Variants in XKR4 observed in about 807,000 individuals in gnomAD.
XKR4 encodes the protein XK related 4.
XKR4 carries 12 observed loss-of-function variants against 53.9 expected under a neutral mutation model. The ratio of observed to expected loss-of-function variants is 0.22; its 90% CI spans 0.14 to 0.36. The LOEUF (loss-of-function observed/expected upper bound fraction) is 0.36, where lower values mean the gene tolerates loss of function less well. Among genes scored for constraint, XKR4 ranks in the 10% least tolerant of loss-of-function variants. XKR4 has a pLI of 1.00. For synonymous variants in XKR4, 354 were observed against 362.4 expected, an observed-to-expected ratio of 0.98 and a Z score of 0.26; for missense variants, 799 against 859.5, an observed-to-expected ratio of 0.93 and a Z score of 0.88.
chr8:55,460,022 A>C (rs1448448811), intron 2 of XKR4, among the ~76,000 whole-genome samples: 6 of 152,004 alleles, frequency 3.9e-5, no homozygotes, highest in Non-Finnish European at 8.8e-5. Context: ...AAAAAAAAAA[A>C]AACCAAATGT....
intron 2 of XKR4, among the ~76,000 whole-genome samples, chr8:55,479,917 C>T (rs1488972953): frequency 6.6e-6 from 1 of 151,942 alleles, no homozygotes; most frequent in African/African-American, 2.4e-5. Context: ...AATAGCTTAC[C>T]AAGCAAAGAA....
At chr8:55,437,964 A>G (rs1030565861) in intron 2 of XKR4, among the ~76,000 whole-genome samples, 6 of 113,186 alleles carry the variant, frequency 5.3e-5, no homozygotes, top group South Asian at 5.4e-4. Context: ...CAAAAAAAAA[A>G]AAGAAGAAGA....
rs568401818 is a variant in XKR4 at position 55,479,121 on chromosome 8, C to T, written c.1007-44160C>T. On this transcript the variant is annotated intron_variant, in intron 2 of 2. Transcript: ENST00000327381. ...CATTCTTTTCAGCACCACACCACAC[C>T]TATTCCAAAAGTGATCACATGCTTG... 2.0e-4 allele frequency among the ~76,000 whole-genome samples: 30 copies of T among 152,198 alleles called. 1 individual carries two copies. The South Asian group carries it at 4.8e-3, about 24-fold the overall frequency.
At chr8:55,307,986 A>G (rs4738068) in intron 1 of XKR4, among the ~76,000 whole-genome samples, 17,016 of 152,100 alleles carry the variant, frequency 0.11, 1,815 homozygotes, top group African/African-American at 0.28. Context: ...CAGGCATGGT[A>G]TCTCATGCCT....
At chr8:55,392,081 A>G (rs1400167976) in intron 2 of XKR4, among the ~76,000 whole-genome samples, 2 of 152,236 alleles carry the variant, frequency 1.3e-5, no homozygotes, top group African/African-American at 2.4e-5. Context: ...AAAGCTCATT[A>G]GTATAGTTCA....
At chr8:55,210,248 C>T (rs1016611725) in intron 1 of XKR4, among the ~76,000 whole-genome samples, 1 of 152,016 alleles carries the variant, frequency 6.6e-6, no homozygotes, top group Non-Finnish European at 1.5e-5. Context: ...CCACGCCTGG[C>T]TAATTTTGTA....
At chr8:55,106,255 G>A (rs1451255381) in intron 1 of XKR4, among the ~76,000 whole-genome samples, 1 of 152,108 alleles carries the variant, frequency 6.6e-6, no homozygotes, top group Non-Finnish European at 1.5e-5. Context: ...TGCTTGTTTA[G>A]AAATAGCCAT....
chr8:55,235,736 TA>T (rs1459904779), intron 1 of XKR4, among the ~76,000 whole-genome samples: 7 of 151,968 alleles, frequency 4.6e-5, no homozygotes, highest in Admixed American at 1.3e-4. Flanking sequence ...GCTGCAGCAA[TA>T]GAAAGGAAAA....
rs1563372976 is a variant in XKR4 at position 55,523,691 on chromosome 8, G to T, written c.1417G>T (p.Ala473Ser). The T allele has an allele frequency of 6.2e-7, 1 of 1,614,162 alleles. No homozygotes were observed. Among genetic ancestry groups the T allele is most frequent in the African/African-American group, 1.3e-5 (1 of 75,030 alleles). The change falls in exon 3 of 3, where the codon GCC becomes TCC. Residue 473 changes from alanine (A) to serine (S), a missense_variant. By Grantham distance (99) the Ala-to-Ser change is moderately conservative. Transcript: ENST00000327381. ...VILLENTALSALWYLYKAPQI... is the reference protein window; with the variant it reads ...VILLENTALSSLWYLYKAPQI... ...CCTTTTGGAAAATACAGCCTTGAGT[G>T]CCCTCTGGTACCTCTACAAGGCTCC...
chr8:55,362,753 A>G (rs954333863), intron 2 of XKR4, among the ~76,000 whole-genome samples: 11 of 152,154 alleles, frequency 7.2e-5, no homozygotes, highest in African/African-American at 2.7e-4. Context: ...GGTTGCACAG[A>G]CCCAGCCTCC....
At chr8:55,271,807 G>C (rs1308745860) in intron 1 of XKR4, among the ~76,000 whole-genome samples, 1 of 152,194 alleles carries the variant, frequency 6.6e-6, no homozygotes, top group Non-Finnish European at 1.5e-5. Flanking sequence ...ATTTGGGGCT[G>C]ATTGTTTCAG....
intron 1 of XKR4, among the ~76,000 whole-genome samples, chr8:55,128,969 A>G (rs1000779743): frequency 6.6e-6 from 1 of 152,192 alleles, no homozygotes; most frequent in Non-Finnish European, 1.5e-5. Context: ...TCTAACCAAC[A>G]ATGGTGATAG....
chr8:55,410,174 C>T (rs948235468), intron 2 of XKR4, among the ~76,000 whole-genome samples: 5 of 152,104 alleles, frequency 3.3e-5, no homozygotes, highest in African/African-American at 1.2e-4. Context: ...CTTGACTCAC[C>T]CCCCTTCTGG....
At chr8:55,350,392 G>A (rs1803708710) in intron 1 of XKR4, among the ~76,000 whole-genome samples, 1 of 152,074 alleles carries the variant, frequency 6.6e-6, no homozygotes, top group Non-Finnish European at 1.5e-5. Flanking sequence ...TTGTAAGCTG[G>A]ACCCATCAAG....
At chr8:55,366,506 C>T (rs929000274) in intron 2 of XKR4, among the ~76,000 whole-genome samples, 3 of 152,172 alleles carry the variant, frequency 2.0e-5, no homozygotes, top group Admixed American at 6.5e-5. Context: ...ACAGACCTCA[C>T]GTGGCCACTC....
chr8:55,394,707 C>A (rs932200824), intron 2 of XKR4, among the ~76,000 whole-genome samples: 1 of 152,272 alleles, frequency 6.6e-6, no homozygotes, highest in South Asian at 2.1e-4. Flanking sequence ...TTACTCAATT[C>A]TCTTCAAATC....
intron 1 of XKR4, among the ~76,000 whole-genome samples, chr8:55,252,029 C>G (rs192785879): frequency 6.6e-6 from 1 of 152,266 alleles, no homozygotes; most frequent in African/African-American, 2.4e-5. Flanking sequence ...ACAGAAGTAT[C>G]AGTTTCTTCT....
Position 55,537,290 on chromosome 8 carries a change from A to G in XKR4, c.*13063A>G, listed in dbSNP as rs1346059095. ...TCACCTCCCACAAGGAAAGTCTGAG[A>G]TGTTCATCCTGACATTTGCGTTCCT... On this transcript the variant is annotated 3_prime_UTR_variant, in exon 3 of 3. Coordinates refer to ENST00000327381, the MANE Select transcript of XKR4 (RefSeq NM_052898.2). 1 of 152,224 alleles carries G rather than the reference A, an allele frequency of 6.6e-6. No individual in the cohort carries two copies. The highest frequency in any genetic ancestry group is 2.4e-5 in the African/African-American group (1 of 41,456). The allele number at this position is 152,224 out of a possible 1,614,324, so 9.4% of individuals were successfully genotyped here. A position where few individuals can be genotyped will look rare whatever the true frequency, so the allele number is the denominator to read the frequency against.
intron 1 of XKR4, among the ~76,000 whole-genome samples, chr8:55,265,817 A>G (rs544799604): frequency 7.0e-6 from 1 of 142,030 alleles, no homozygotes; most frequent in African/African-American, 2.5e-5. Flanking sequence ...TGTCTCTACT[A>G]AAAAAAAAAA....
Sources: gnomAD v4.1 joint callset for allele counts (sites outside exome capture counted in the v4.1 genomes callset) on GRCh38, gnomAD v4.1.1 for gene constraint, MANE v1.5 for transcripts, NCBI Gene and HGNC (gene_info 2026-07-23, HGNC 2026-07-21) for gene names.